The following TMEM131 variants were observed in gnomAD, a reference collection of about 807,000 sequenced individuals.
The protein encoded by TMEM131 is 2610524E03Rik.
A neutral mutation model predicts 211.6 loss-of-function variants in TMEM131; 66 were observed. The observed-to-expected ratio is 0.31, with a 90% confidence interval of 0.26 to 0.38. TMEM131 has a LOEUF of 0.38. TMEM131 is among the 10% of genes least tolerant of loss of function. The pLI is 1.00. For synonymous variants in TMEM131, 844 were observed against 841.3 expected (o/e 1.00, Z -0.06); for missense variants, 2,036 against 2,299.3 (o/e 0.89, Z 2.34).
At position 97,766,196 on chromosome 2, in the gene TMEM131, T is replaced by C. The variant is rs1391326439; in HGVS notation, c.4641A>G (p.Leu1547=). ...CACCCTCTGAGCTACTGGTGTTGCC[T>C]AATTCTTGACTATTCGGGAGGAATT... is the stretch of plus-strand genomic sequence containing the variant. The part of the protein sequence containing the change: ...LAKFLPNSQE[L]GNTSSSEGEK... Residue 1547 remains leucine (L), a synonymous_variant, in exon 35 of 41, where the codon TTA becomes TTG. Coordinates refer to ENST00000186436, the MANE Select transcript of TMEM131 (RefSeq NM_015348.2). The C allele has an allele frequency of 6.2e-7, 1 of 1,614,080 alleles. No individual in the cohort carries two copies. Among genetic ancestry groups the C allele is most frequent in the Non-Finnish European group, 8.5e-7 (1 of 1,179,906 alleles).
intron 1 of TMEM131, among the ~76,000 whole-genome samples, chr2:97,932,913 T>A (rs943764156): frequency 2.6e-5 from 4 of 152,236 alleles, no homozygotes; most frequent in African/African-American, 9.6e-5. Context: ...AACGATGGAC[T>A]GCATAGATGA....
intron 1 of TMEM131, among the ~76,000 whole-genome samples, chr2:97,979,499 G>A (rs1004581293): frequency 6.6e-6 from 1 of 152,240 alleles, no homozygotes; most frequent in Admixed American, 6.5e-5. Context: ...GCTGCAACTT[G>A]TACATCGGCA....
chr2:97,855,462 G>GT (rs1673802670), intron 5 of TMEM131, among the ~76,000 whole-genome samples: 1 of 152,224 alleles, frequency 6.6e-6, no homozygotes, highest in African/African-American at 2.4e-5. Context: ...CACTTTGGGA[G>GT]GCTGAGGCAG....
At chr2:97,824,174 G>C (rs1682266304) in intron 11 of TMEM131, among the ~76,000 whole-genome samples, 1 of 152,206 alleles carries the variant, frequency 6.6e-6, no homozygotes, top group Non-Finnish European at 1.5e-5. Context: ...CCTCACCCAT[G>C]TCCACTATGC....
intron 31 of TMEM131, among the ~76,000 whole-genome samples, chr2:97,790,714 T>C (rs1487364092): frequency 6.6e-6 from 1 of 152,228 alleles, no homozygotes; most frequent in Admixed American, 6.5e-5. Flanking sequence ...CTATGTAACT[T>C]GATCTAATTA....
intron 20 of TMEM131, 46 bp downstream of exon 20, chr2:97,805,505 A>G (rs1323664411): frequency 1.2e-6 from 2 of 1,612,346 alleles, no homozygotes; most frequent in South Asian, 2.2e-5. Context: ...AGGTCATAAA[A>G]CAAAATGTTA....
intron 33 of TMEM131, among the ~76,000 whole-genome samples, chr2:97,771,665 A>AG (rs1679471453): frequency 6.6e-6 from 1 of 152,232 alleles, no homozygotes; most frequent in Non-Finnish European, 1.5e-5. Context: ...TGCTGAGCCA[A>AG]GGTTTAATGA....
intron 1 of TMEM131, among the ~76,000 whole-genome samples, chr2:97,976,154 T>C (rs968034973): frequency 1.3e-5 from 2 of 152,162 alleles, no homozygotes; most frequent in Non-Finnish European, 2.9e-5. Context: ...AAGACAGAGA[T>C]GTCCACTTTT....
rs544524298 is a variant in TMEM131, at chr2:97,813,187, C to T, written c.1618-438G>A. ...ATGAAAGAGGCAGGAAGCTAAACTACTAAGAGAGGTTTAGTGGAACCCTAG... is the reference window on the plus strand; with the variant it reads ...ATGAAAGAGGCAGGAAGCTAAACTATTAAGAGAGGTTTAGTGGAACCCTAG... On this transcript the variant is annotated intron_variant, in intron 15 of 40. Coordinates refer to ENST00000186436, the MANE Select transcript of TMEM131 (RefSeq NM_015348.2). Among the ~76,000 whole-genome samples the T allele has an allele frequency of 6.6e-5, 10 of 152,234 alleles. No homozygotes were observed. The South Asian group carries it at 1.9e-3, about 28-fold the overall frequency.
intron 1 of TMEM131, among the ~76,000 whole-genome samples, chr2:97,973,714 G>A (rs938511459): frequency 2.0e-5 from 3 of 152,120 alleles, no homozygotes; most frequent in South Asian, 2.1e-4. Flanking sequence ...GTCAGAAACA[G>A]TACCTATTTA....
intron 4 of TMEM131, among the ~76,000 whole-genome samples, chr2:97,879,195 C>T (rs1167399261): frequency 2.6e-5 from 4 of 152,180 alleles, no homozygotes. Flanking sequence ...GGCTGAAGAG[C>T]AGTCAGCGAA....
chr2:97,814,798 A>C (rs1681739611), intron 13 of TMEM131, among the ~76,000 whole-genome samples: 1 of 152,216 alleles, frequency 6.6e-6, no homozygotes, highest in South Asian at 2.1e-4. Flanking sequence ...AAAAGTTGTA[A>C]TTCTAGAAGT....
chr2:97,953,954 T>C (rs1232447603), intron 1 of TMEM131, among the ~76,000 whole-genome samples: 4 of 151,954 alleles, frequency 2.6e-5, no homozygotes, highest in East Asian at 3.8e-4. Flanking sequence ...CAAAAAGCAA[T>C]AGAACAGCAA....
chr2:97,831,664 C>CTTTTTTTTTTTTTTTT (rs11378393), intron 11 of TMEM131, among the ~76,000 whole-genome samples: 2 of 80,614 alleles, frequency 2.5e-5, no homozygotes, highest in African/African-American at 1.0e-4. Flanking sequence ...TCACATACCT[C>CTTTTTTTTTTTTTTTT]TTTTTTTTTT....
chr2:97,806,919 C>CA (rs1228670011), intron 19 of TMEM131, among the ~76,000 whole-genome samples: 3 of 152,168 alleles, frequency 2.0e-5, no homozygotes, highest in Non-Finnish European at 4.4e-5. Context: ...AGAGGGCGGG[C>CA]ATGCAGCTGC....
chr2:97,814,294 T>C lies in TMEM131; in HGVS notation c.1387A>G (p.Ser463Gly). Residue 463 changes from serine to glycine, a missense_variant, in exon 14 of 41, where the codon AGT becomes GGT. Transcript: ENST00000186436. ...ACATCGTGAATGAGGATCGCAAAAC[T>C]GAAAGTGTTAGTAAGGTAAATTGGC... ...ERPIYLTNTF[S>G]FAILIHDVLL... 6.2e-7 allele frequency: 1 copy of C among 1,613,894 alleles called. No homozygotes were observed. The highest frequency in any genetic ancestry group is 1.6e-4 in the Middle Eastern group (1 of 6,062).
At chr2:97,856,766 A>G (rs577382396) in intron 5 of TMEM131, among the ~76,000 whole-genome samples, 1 of 152,138 alleles carries the variant, frequency 6.6e-6, no homozygotes, top group Admixed American at 6.5e-5. Flanking sequence ...AGTTCATTCT[A>G]TCTCTCCCCT....
In TMEM131 at chr2:97,814,086, A is replaced by G; in HGVS notation, c.1502T>C (p.Phe501Ser). ...TGTGGAAGGCATAAAAAGCAGGGTA[A>G]AAATGTATCCTGATTCATTAGGAAG... ...LILPNESGYIFTLLFMPSTSS... is the reference protein window; with the variant it reads ...LILPNESGYISTLLFMPSTSS... Residue 501 changes from phenylalanine (F) to serine (S), a missense_variant, in exon 15 of 41, where the codon TTT (phenylalanine) becomes TCT (serine). Phe to Ser is a radical substitution (Grantham distance 155, BLOSUM62 -2). Transcript: ENST00000186436. The G allele has an allele frequency of 6.2e-7, 1 of 1,606,118 alleles. No homozygotes were observed. The highest frequency in any genetic ancestry group is 2.2e-5 in the East Asian group (1 of 44,760).
intron 35 of TMEM131, chr2:97,762,627 G>A (rs1014764296): frequency 1.7e-5 from 3 of 180,050 alleles, no homozygotes; most frequent in African/African-American, 2.4e-5. Flanking sequence ...CTCCATTGGC[G>A]TGACTGGGAT....
Sources: gnomAD v4.1 joint callset for allele counts (sites outside exome capture counted in the v4.1 genomes callset) on GRCh38, gnomAD v4.1.1 for gene constraint, MANE v1.5 for transcripts, NCBI Gene and HGNC (gene_info 2026-07-23, HGNC 2026-07-21) for gene names.